The following NAV1 variants were observed in gnomAD, a reference collection of about 807,000 sequenced individuals.
NAV1 encodes the protein pore membrane and/or filament interacting like protein 3.
NAV1 carries 18 observed loss-of-function variants against 175.2 expected under a neutral mutation model. That is an observed-to-expected ratio of 0.10 (90% CI 0.07 to 0.15). The LOEUF (loss-of-function observed/expected upper bound fraction) is 0.15, where lower values mean the gene tolerates loss of function less well. Ranked by LOEUF, NAV1 falls within the 10% of genes least tolerant of loss-of-function variation. The probability of loss-of-function intolerance (pLI) is 1.00; values close to 1 mark genes in which losing one functional copy is unlikely to be tolerated. For missense variants in NAV1, 1,731 were observed against 2,436.6 expected, an observed-to-expected ratio of 0.71 and a Z score of 6.10; for synonymous variants, 897 against 978.7, an observed-to-expected ratio of 0.92 and a Z score of 1.56.
chr1:201,607,986 C>G (rs1314671175), intron 2 of NAV1, among the ~76,000 whole-genome samples: 4 of 149,102 alleles, frequency 2.7e-5, no homozygotes, highest in Non-Finnish European at 5.9e-5. Flanking sequence ...GGGGTGATAA[C>G]TTGATAGGTG....
chr1:201,814,270 T>C (rs1678883530), intron 28 of NAV1, among the ~76,000 whole-genome samples: 1 of 150,874 alleles, frequency 6.6e-6, no homozygotes, highest in Non-Finnish European at 1.5e-5. Flanking sequence ...CTCTGGAGGG[T>C]GAGGCCAGAA....
At chr1:201,780,988 T>C (rs747636861) in intron 4 of NAV1, 24 bp from the exon 9 acceptor site, 3 of 1,573,314 alleles carry the variant, frequency 1.9e-6, no homozygotes, top group Admixed American at 3.7e-5. Flanking sequence ...AGTATCTCAC[T>C]CTGCCTTTTT....
At position 201,594,563 on chromosome 1, in the gene NAV1, A is replaced by C. The variant is rs1318182246; in HGVS notation, c.-33+5914A>C. On this transcript the variant is annotated intron_variant, in intron 2 of 33. Transcript: ENST00000685211. ...AAACTCTCTATCAGCATAGTTGAGG[A>C]CTGGCTTTGCTGGGTTACTCTAAAA... 2.0e-5 allele frequency among the ~76,000 whole-genome samples: 3 copies of C among 152,236 alleles called. No individual in the cohort carries two copies. In the East Asian group the frequency reaches 5.8e-4, roughly 29 times the overall value.
Position 201,803,509 on chromosome 1 carries a change from T to G in NAV1, c.3518-84T>G. On this transcript the variant is annotated intron_variant, in intron 15 of 29. Coordinates refer to ENST00000367296, the Ensembl canonical transcript of NAV1. ...AGGAGTTGGTTGGTTCTCCTTTCTC[T>G]TATCTTCTGCCACTAGACTTGCCTG... The G allele has an allele frequency of 8.8e-6, 13 of 1,473,874 alleles. No homozygotes were observed. The South Asian group carries it at 1.5e-4, about 18-fold the overall frequency. The allele number at this position is 1,473,874 out of a possible 1,614,324, so 91.3% of individuals were successfully genotyped here. A position where few individuals can be genotyped will look rare whatever the true frequency, so the allele number is the denominator to read the frequency against.
chr1:201,697,505 C>T (rs1194703393), intron 1 of NAV1, among the ~76,000 whole-genome samples: 4 of 152,186 alleles, frequency 2.6e-5, no homozygotes, highest in Admixed American at 1.3e-4. Context: ...CAACCTTTTC[C>T]TCTTTATCCT....
rs12037032 is a variant in NAV1, at chr1:201,542,369, C to T, written c.-144+3027C>T. Among the ~76,000 whole-genome samples the T allele has an allele frequency of 4.7e-4, 71 of 152,266 alleles. No homozygotes were observed. In the East Asian group the frequency reaches 0.013, roughly 29 times the overall value. On this transcript the variant is annotated intron_variant, in intron 1 of 33. Transcript: ENST00000685211. ...GAACATGGAGAGCTAAGAAATGTGG[C>T]AATACTTGGCAAACACTTCGTCTTT...
At chr1:201,682,709 C>T (rs1437589740) in intron 1 of NAV1, among the ~76,000 whole-genome samples, 1 of 151,014 alleles carries the variant, frequency 6.6e-6, no homozygotes, top group Non-Finnish European at 1.5e-5. Context: ...TCATTACATG[C>T]AAGGTTGGAA....
chr1:201,606,912 C>A (rs1052130389), intron 2 of NAV1, among the ~76,000 whole-genome samples: 1 of 152,204 alleles, frequency 6.6e-6, no homozygotes, highest in Non-Finnish European at 1.5e-5. Flanking sequence ...TTTTGACAAG[C>A]AATCTGCAAT....
chr1:201,736,552 C>G (rs1443762193), intron 3 of NAV1, among the ~76,000 whole-genome samples: 2 of 152,140 alleles, frequency 1.3e-5, no homozygotes, highest in Non-Finnish European at 1.5e-5. Flanking sequence ...CTCCAGAGAT[C>G]CTTTGAGGTG....
chr1:201,564,440 C>A (rs1666296961), intron 1 of NAV1, among the ~76,000 whole-genome samples: 1 of 152,094 alleles, frequency 6.6e-6, no homozygotes, highest in Admixed American at 6.6e-5. Flanking sequence ...CATGGCGAAA[C>A]CCCGTCTCTA....
Position 201,812,060 on chromosome 1 carries a change from G to T in NAV1, c.5024+86G>T. 8.1e-7 allele frequency: 1 copy of T among 1,237,856 alleles called. No homozygotes were observed. Among genetic ancestry groups the T allele is most frequent in the Non-Finnish European group, 1.2e-6 (1 of 841,668 alleles). The allele number at this position is 1,237,856 out of a possible 1,614,324, so 76.7% of individuals were successfully genotyped here. A position where few individuals can be genotyped will look rare whatever the true frequency, so the allele number is the denominator to read the frequency against. On this transcript the variant is annotated intron_variant, in intron 26 of 29. Transcript: ENST00000367296. The surrounding 1 kb of genome is among the most constrained non-coding windows in gnomAD (Gnocchi z 4.6). ...TCTGGCCAGGAGGCAGTAGATAGGA[G>T]AAGGAAAGAGAAGTATCCAGAGCTT... is the stretch of plus-strand genomic sequence containing the variant.
At chr1:201,755,312 A>G (rs908949337) in intron 3 of NAV1, among the ~76,000 whole-genome samples, 2 of 152,326 alleles carry the variant, frequency 1.3e-5, no homozygotes, top group African/African-American at 4.8e-5. Context: ...ATGGTGGCAC[A>G]GGCCTGTGGT....
At chr1:201,673,757 C>A (rs12133560) in intron 1 of NAV1, 3,733 of 152,352 alleles carry the variant, frequency 0.025, 66 homozygotes, top group Middle Eastern at 0.051. Context: ...AGTTGAATAG[C>A]AGCCTTGTCT....
chr1:201,622,276 G>A (rs1668196247), upstream of NAV1, among the ~76,000 whole-genome samples: 1 of 152,188 alleles, frequency 6.6e-6, no homozygotes, highest in African/African-American at 2.4e-5. Context: ...GGCAGCATTT[G>A]CCAATTTACA....
intron 2 of NAV1, among the ~76,000 whole-genome samples, chr1:201,635,354 A>AT (rs1012594314): frequency 2.6e-5 from 4 of 152,068 alleles, no homozygotes; most frequent in Non-Finnish European, 5.9e-5. Context: ...CCATTTGCCA[A>AT]TTTTTTATAA....
intron 3 of NAV1, among the ~76,000 whole-genome samples, chr1:201,764,210 A>G (rs895527911): frequency 4.6e-5 from 7 of 152,258 alleles, no homozygotes; most frequent in Non-Finnish European, 1.0e-4. Flanking sequence ...TGTAGATAAA[A>G]TAAGCTTATT....
intron 15 of NAV1, among the ~76,000 whole-genome samples, chr1:201,803,106 G>C (rs922477648): frequency 1.3e-5 from 2 of 152,160 alleles, no homozygotes; most frequent in East Asian, 3.8e-4. Flanking sequence ...AACCTTCTCA[G>C]AAAGCAAAGA....
Position 201,807,034 on chromosome 1 carries a change from C to CTG in NAV1, c.3649-905_3649-904dup, listed in dbSNP as rs71713615. ...TTGCTGCCATTTCATATCTGTGTCCCTGTGTGTGTGTGTGTATGTGTGTGT... is the reference window on the plus strand; with the variant it reads ...TTGCTGCCATTTCATATCTGTGTCCCTGTGTGTGTGTGTGTGTATGTGTGTGT... On this transcript the variant is annotated intron_variant, in intron 17 of 29. Transcript: ENST00000367296. This position sits in a 1 kb window ranked among gnomAD's most constrained non-coding sequence, Gnocchi z 5.4. Among the ~76,000 whole-genome samples, 3,183 of 150,868 alleles carry CTG rather than the reference C, an allele frequency of 0.021. 80 individuals are homozygous for CTG. Among genetic ancestry groups the CTG allele is most frequent in the South Asian group, 0.086 (408 of 4,758 alleles).
intron 2 of NAV1, among the ~76,000 whole-genome samples, chr1:201,609,840 G>C (rs1271421080): frequency 6.6e-6 from 1 of 152,136 alleles, no homozygotes; most frequent in Non-Finnish European, 1.5e-5. Context: ...CTGGAGGAAA[G>C]TGTATATATA....
Sources: gnomAD v4.1 joint callset for allele counts (sites outside exome capture counted in the v4.1 genomes callset) on GRCh38, gnomAD v4.1.1 for gene constraint, Gnocchi (gnomAD v3.1) non-coding constraint, MANE v1.5 for transcripts, NCBI Gene and HGNC (gene_info 2026-07-23, HGNC 2026-07-21) for gene names.